CENPF: variants seen among roughly 807,000 people sequenced by gnomAD.
CENPF encodes AH antigen.
A neutral mutation model predicts 307.3 loss-of-function variants in CENPF; 214 were observed. The observed-to-expected ratio is 0.70, with a 90% confidence interval of 0.62 to 0.78. The LOEUF (loss-of-function observed/expected upper bound fraction) is 0.78. Among genes scored for constraint, CENPF ranks in the 30% least tolerant of loss-of-function variants. The pLI is 0.00. For synonymous variants in CENPF, 1,259 were observed against 1,270.6 expected, an observed-to-expected ratio of 0.99 and a Z score of 0.19; for missense variants, 3,401 against 3,483.9, an observed-to-expected ratio of 0.98 and a Z score of 0.60.
In CENPF at chr1:214,646,441, C is replaced by T. The variant is rs941349850; in HGVS notation, c.6871C>T (p.Pro2291Ser). ...GAAGGCCACAGAACAGAGTCTAGAC[C>T]CACCAATAGAGGAAGAGCATCAGCT... ...IMKATEQSLD[P>S]PIEEEHQLRN... Residue 2291 changes from proline (P) to serine (S), a missense_variant, in exon 13 of 20, where the codon CCA (proline) becomes TCA (serine). Coordinates refer to ENST00000366955, the MANE Select transcript of CENPF (RefSeq NM_016343.4). 1.4e-5 allele frequency: 22 copies of T among 1,613,884 alleles called. No homozygotes were observed. The highest frequency in any genetic ancestry group is 1.9e-5 in the Non-Finnish European group (22 of 1,179,950).
intron 1 of CENPF, chr1:214,608,499 G>C (rs547019667): frequency 1.2e-6 from 2 of 1,612,376 alleles, no homozygotes; most frequent in Non-Finnish European, 1.7e-6. Flanking sequence ...GCGAGAAGAG[G>C]ACCGTGTACC....
Position 214,644,945 on chromosome 1 carries a change from A to G in CENPF, c.5375A>G (p.Asp1792Gly), listed in dbSNP as rs1386652737. 33 of 1,613,202 alleles carry G rather than the reference A, an allele frequency of 2.0e-5. No individual in the cohort carries two copies. The highest frequency in any genetic ancestry group is 2.7e-5 in the Non-Finnish European group (32 of 1,179,712). Reference protein sequence around the residue: ...ENLRLLHVIEDRDRKVESLLN... With the variant: ...ENLRLLHVIEGRDRKVESLLN... ...TTGAGATTACTTCATGTGATAGAGGACCGTGACAGAAAAGTTGAAAGTTTG... is the reference window on the plus strand; with the variant it reads ...TTGAGATTACTTCATGTGATAGAGGGCCGTGACAGAAAAGTTGAAAGTTTG... The change falls in exon 13 of 20, where the codon GAC becomes GGC. Residue 1792 changes from aspartate to glycine, a missense_variant. By Grantham distance (94) the Asp-to-Gly change is moderately conservative. Transcript: ENST00000366955.
At chr1:214,652,444 C>CTTTTT (rs34873218) in intron 15 of CENPF, among the ~76,000 whole-genome samples, 2 of 120,944 alleles carry the variant, frequency 1.7e-5, no homozygotes, top group African/African-American at 3.3e-5. Context: ...TTTTTCTTTT[C>CTTTTT]TTTTTTTTTT....
chr1:214,603,867 T>C lies in CENPF; in HGVS notation c.-42+546T>C, dbSNP rs148506739. Among the ~76,000 whole-genome samples the C allele has an allele frequency of 2.4e-3, 360 of 152,108 alleles. 1 individual carries two copies. The highest frequency in any genetic ancestry group is 2.4e-3 in the Non-Finnish European group (165 of 67,976). ...TAAATAGAGATAGGCCTCCCTATATTGCCTAGGCTGGTCTGGAACCCCTGG... is the reference window on the plus strand; with the variant it reads ...TAAATAGAGATAGGCCTCCCTATATCGCCTAGGCTGGTCTGGAACCCCTGG... On this transcript the variant is annotated intron_variant, in intron 1 of 19. Coordinates refer to ENST00000366955, the MANE Select transcript of CENPF (RefSeq NM_016343.4).
Position 214,615,002 on chromosome 1 carries a change from AG to A in CENPF, c.334del (p.Glu112LysfsTer28). ...GQLNSGKKQI[E>X]KLEQELKRCK... ...AACTGAATTCAGGCAAAAAACAAATAGAAAAACTGGAACAGGAACTTAAAAG... is the reference window on the plus strand; with the variant it reads ...AACTGAATTCAGGCAAAAAACAAATAAAAAACTGGAACAGGAACTTAAAAG... On this transcript the variant is annotated frameshift_variant, in exon 3 of 20. Transcript: ENST00000366955. LOFTEE classifies it high-confidence loss of function. 1 of 1,602,670 alleles carries A rather than the reference AG, an allele frequency of 6.2e-7. No individual in the cohort carries two copies. Among genetic ancestry groups the A allele is most frequent in the East Asian group, 2.2e-5 (1 of 44,656 alleles).
intron 19 of CENPF, 114 bp from the exon 20 acceptor site, chr1:214,663,477 A>G (rs1658836672): frequency 2.0e-6 from 2 of 1,019,912 alleles, no homozygotes; most frequent in Non-Finnish European, 2.9e-6. Flanking sequence ...TCAATTATAT[A>G]TAACTCCTAG....
intron 3 of CENPF, among the ~76,000 whole-genome samples, chr1:214,616,835 CTCTTTCTTTCTTTCTTTCT>C (rs1657354517): frequency 1.5e-5 from 1 of 68,510 alleles, no homozygotes; most frequent in African/African-American, 5.8e-5. Context: ...TCCTTCCTTC[CTCTTTCTTTCTTTCTTTCT>C]TTCTTTCTTT....
chr1:214,613,306 C>T, intron 1 of CENPF: 4 of 252,752 alleles, frequency 1.6e-5, no homozygotes, highest in Middle Eastern at 1.9e-3. Flanking sequence ...GCTAACTATG[C>T]CACCTCCTAC....
intron 8 of CENPF, among the ~76,000 whole-genome samples, chr1:214,630,260 AATTT>A (rs1657769239): frequency 6.6e-6 from 1 of 152,154 alleles, no homozygotes; most frequent in African/African-American, 2.4e-5. Flanking sequence ...AGAGGTAATT[AATTT>A]AAGACTGAAG....
Position 214,655,343 on chromosome 1 carries a change from A to C in CENPF, c.8425A>C (p.Lys2809Gln). Residue 2809 changes from lysine to glutamine, a missense_variant, in exon 17 of 20, where the codon AAG (lysine) becomes CAG (glutamine). By Grantham distance (53) the Lys-to-Gln change is moderately conservative (BLOSUM62 1). Transcript: ENST00000366955. ...IKSCKQLEEEKEILQKELSQL... is the reference protein window; with the variant it reads ...IKSCKQLEEEQEILQKELSQL... ...ATCCTGTAAACAGCTGGAAGAGGAA[A>C]AGGAGATACTGCAGAAAGAACTCTC... 6.2e-7 allele frequency: 1 copy of C among 1,610,790 alleles called. No homozygotes were observed. Among genetic ancestry groups the C allele is most frequent in the Non-Finnish European group, 8.5e-7 (1 of 1,178,340 alleles).
intron 17 of CENPF, 69 bp downstream of exon 17, chr1:214,655,472 C>A: frequency 8.0e-7 from 1 of 1,253,218 alleles, no homozygotes. Context: ...ATATGGTATG[C>A]GTGCATAGGA....
intron 8 of CENPF, 26 bp from the exon 9 acceptor site, chr1:214,630,508 T>A (rs746965860): frequency 6.8e-6 from 11 of 1,613,642 alleles, no homozygotes; most frequent in Non-Finnish European, 9.3e-6. Flanking sequence ...ATCATCAGGC[T>A]GATGCACCTG....
intron 1 of CENPF, among the ~76,000 whole-genome samples, chr1:214,606,340 T>A (rs1341369909): frequency 1.3e-5 from 2 of 152,132 alleles, no homozygotes; most frequent in Non-Finnish European, 2.9e-5. Context: ...TCTGTAGGGA[T>A]CCCGCCTACG....
At chr1:214,636,182 A>T (rs943583195) in intron 10 of CENPF, among the ~76,000 whole-genome samples, 2 of 152,306 alleles carry the variant, frequency 1.3e-5, no homozygotes, top group South Asian at 4.1e-4. Flanking sequence ...CCCCTGTCAA[A>T]GTGCTTTAAG....
chr1:214,629,234 G>T, intron 8 of CENPF, 63 bp downstream of exon 8: 2 of 1,449,576 alleles, frequency 1.4e-6, no homozygotes, highest in South Asian at 1.5e-5. Flanking sequence ...TTCATAGTTT[G>T]ATCACTTGGA....
At chr1:214,653,144 T>TA (rs995646270) in intron 16 of CENPF, 155 bp downstream of exon 16, 36 of 713,774 alleles carry the variant, frequency 5.0e-5, no homozygotes, top group Non-Finnish European at 6.3e-5. Context: ...GAGTTATCTT[T>TA]AAAAAAAATC....
intron 3 of CENPF, among the ~76,000 whole-genome samples, chr1:214,617,026 CTTTCTTTCTTTCTTCTTTTTCTT>C (rs1474616876): frequency 7.1e-6 from 1 of 140,070 alleles, no homozygotes; most frequent in Non-Finnish European, 1.5e-5. Flanking sequence ...TTCTCTTTCT[CTTTCTTTCTTTCTTCTTTTTCTT>C]TTTCTTTTTT....
rs1025188827 is a variant in CENPF at position 214,664,296 on chromosome 1, A to T, written c.*502A>T. The T allele has an allele frequency of 6.3e-6, 1 of 157,508 alleles. No homozygotes were observed. Among genetic ancestry groups the T allele is most frequent in the Non-Finnish European group, 1.4e-5 (1 of 71,394 alleles). 9.8% of individuals were successfully genotyped at this position (157,508 alleles called of 1,614,324 possible). A position where few individuals can be genotyped will look rare whatever the true frequency, so the allele number is the denominator to read the frequency against. On this transcript the variant is annotated 3_prime_UTR_variant, in exon 20 of 20. Transcript: ENST00000366955. Reference sequence around the variant, plus strand: ...TTATGTGTTTTTAAGGAAAATGTGCACACATATACATGTAGGAGTGTTTAT... The same window carrying T: ...TTATGTGTTTTTAAGGAAAATGTGCTCACATATACATGTAGGAGTGTTTAT...
At chr1:214,632,651 G>A in intron 10 of CENPF, 49 bp downstream of exon 10, 2 of 1,601,602 alleles carry the variant, frequency 1.2e-6, no homozygotes, top group East Asian at 2.2e-5. Context: ...AGAACCAAGT[G>A]CAAGGGGAAA....
Sources: gnomAD v4.1 joint callset for allele counts (sites outside exome capture counted in the v4.1 genomes callset) on GRCh38, gnomAD v4.1.1 for gene constraint, MANE v1.5 for transcripts, NCBI Gene and HGNC (gene_info 2026-07-23, HGNC 2026-07-21) for gene names.